Variants in LARGE1 observed in about 807,000 individuals in gnomAD.
LARGE1 encodes xylosyl- and glucuronyltransferase LARGE1.
Under a neutral mutation model 87.6 loss-of-function variants are expected in LARGE1, and 43 were observed. The observed-to-expected ratio is 0.49, with a 90% confidence interval of 0.38 to 0.63. LARGE1 has a LOEUF of 0.63. LARGE1 is among the 30% of genes least tolerant of loss of function. The pLI is 0.00. For missense variants in LARGE1, 802 were observed against 1,000.2 expected (o/e 0.80, Z 2.67); for synonymous variants, 434 against 394.6 (o/e 1.10, Z -1.18).
the LARGE1 span, among the ~76,000 whole-genome samples, chr22:33,089,663 AT>A: frequency 6.6e-6 from 1 of 151,590 alleles, no homozygotes; most frequent in Non-Finnish European, 1.5e-5. Context: ...CATTCAGCTA[AT>A]TTTTAAATTT....
At chr22:33,795,195 G>C (rs1477598583) in intron 1 of LARGE1, among the ~76,000 whole-genome samples, 1 of 152,168 alleles carries the variant, frequency 6.6e-6, no homozygotes, top group Non-Finnish European at 1.5e-5. Context: ...GTAGGAGTAG[G>C]ATAAATACAG....
intron 9 of LARGE1, among the ~76,000 whole-genome samples, chr22:33,368,533 C>CAAAAA (rs34999879): frequency 8.6e-6 from 1 of 115,676 alleles, no homozygotes; most frequent in Non-Finnish European, 1.8e-5. Context: ...GACTCTTTCT[C>CAAAAA]AAAAAAAAAA....
rs542259048 is a variant in LARGE1 at position 33,347,927 on chromosome 22, A to G, written c.1132-10126T>C. ...AAAGACATCTGGTTTAGACTTCATG[A>G]AAGAGTCACCTTACCAATGAAGAAG... On this transcript the variant is annotated intron_variant, in intron 9 of 14. Coordinates refer to ENST00000397394, the MANE Select transcript of LARGE1 (RefSeq NM_133642.5). Among the ~76,000 whole-genome samples the G allele has an allele frequency of 8.5e-5, 13 of 152,350 alleles. No individual in the cohort carries two copies. The East Asian group carries it at 2.5e-3, about 29-fold the overall frequency.
chr22:33,728,574 A>C (rs111775998), intron 2 of LARGE1, among the ~76,000 whole-genome samples: 4,487 of 148,936 alleles, frequency 0.03, 283 homozygotes, highest in African/African-American at 0.11. Flanking sequence ...AAAAAAAAAA[A>C]AAAAACCAAC....
chr22:33,455,694 C>T (rs1392432928), intron 6 of LARGE1, among the ~76,000 whole-genome samples: 1 of 136,946 alleles, frequency 7.3e-6, no homozygotes, highest in African/African-American at 2.8e-5. Context: ...GCGGAGGTTG[C>T]AGTGAGCTGA....
At chr22:33,662,124 A>G (rs1168666302) in intron 2 of LARGE1, among the ~76,000 whole-genome samples, 2 of 150,502 alleles carry the variant, frequency 1.3e-5, no homozygotes, top group Non-Finnish European at 2.9e-5. Flanking sequence ...TAGTGTTTTC[A>G]AAGTGGCCAA....
At chr22:33,794,231 C>T (rs1006287235) in intron 1 of LARGE1, among the ~76,000 whole-genome samples, 3 of 152,106 alleles carry the variant, frequency 2.0e-5, no homozygotes, top group African/African-American at 4.8e-5. Flanking sequence ...ACTGTGCAGC[C>T]GTCTTTTCCC....
At chr22:33,798,303 T>C (rs1376731048) in intron 1 of LARGE1, among the ~76,000 whole-genome samples, 1 of 151,832 alleles carries the variant, frequency 6.6e-6, no homozygotes, top group Admixed American at 6.6e-5. Flanking sequence ...AATCAATCAA[T>C]CAATCAATCA....
At chr22:33,479,106 C>T (rs140707528) in intron 6 of LARGE1, among the ~76,000 whole-genome samples, 1 of 152,162 alleles carries the variant, frequency 6.6e-6, no homozygotes, top group African/African-American at 2.4e-5. Context: ...CAAGCAGGTG[C>T]CAACTTCCTC....
intron 11 of LARGE1, chr22:33,305,534 A>G: frequency 1.0e-6 from 1 of 970,270 alleles, no homozygotes; most frequent in Non-Finnish European, 1.2e-6. Flanking sequence ...TTCCTTACCC[A>G]GCAAGAGGTA....
At chr22:33,704,303 T>G (rs12160058) in intron 2 of LARGE1, among the ~76,000 whole-genome samples, 49 of 152,330 alleles carry the variant, frequency 3.2e-4, no homozygotes, top group African/African-American at 1.2e-3. Flanking sequence ...AGCACGGGTG[T>G]GCAGACAGGG....
chr22:33,446,996 T>G (rs568832376), intron 6 of LARGE1, among the ~76,000 whole-genome samples: 4 of 152,166 alleles, frequency 2.6e-5, no homozygotes, highest in Admixed American at 2.0e-4. Context: ...CGGATTCAAG[T>G]GATTCTCCTG....
intron 11 of LARGE1, among the ~76,000 whole-genome samples, chr22:33,257,070 T>A (rs1055567456): frequency 6.6e-6 from 1 of 152,106 alleles, no homozygotes; most frequent in African/African-American, 2.4e-5. Flanking sequence ...CCGGGCGTGG[T>A]GGTGCATGCT....
chr22:33,492,321 C>G (rs916403076), intron 6 of LARGE1, among the ~76,000 whole-genome samples: 2 of 152,184 alleles, frequency 1.3e-5, no homozygotes, highest in East Asian at 3.8e-4. Flanking sequence ...GATTCTCTGA[C>G]GTCTGCTCTG....
chr22:33,374,646 C>T (rs1459075453), intron 9 of LARGE1, among the ~76,000 whole-genome samples: 1 of 152,098 alleles, frequency 6.6e-6, no homozygotes, highest in Non-Finnish European at 1.5e-5. Context: ...GAATGTATCT[C>T]TCATCTTGTA....
the LARGE1 span, among the ~76,000 whole-genome samples, chr22:33,142,845 T>C: frequency 1.3e-5 from 2 of 152,184 alleles, no homozygotes; most frequent in Admixed American, 6.5e-5. Flanking sequence ...GCACAGAGCC[T>C]GGCTGGCACA....
chr22:33,240,116 A>G (rs1360490265), intron 11 of LARGE1, among the ~76,000 whole-genome samples: 13 of 152,184 alleles, frequency 8.5e-5, no homozygotes, highest in Admixed American at 8.5e-4. Context: ...ATTACCACCA[A>G]TAATGTATGA....
At chr22:33,709,365 A>G (rs977458578) in intron 2 of LARGE1, among the ~76,000 whole-genome samples, 1 of 152,122 alleles carries the variant, frequency 6.6e-6, no homozygotes, top group Non-Finnish European at 1.5e-5. Flanking sequence ...CAAATAAGAG[A>G]GCCAAAGCTG....
chr22:33,501,673 G>T (rs1055553681), intron 6 of LARGE1, among the ~76,000 whole-genome samples: 1 of 152,168 alleles, frequency 6.6e-6, no homozygotes, highest in African/African-American at 2.4e-5. Flanking sequence ...TGAACGCCAG[G>T]CCTGGCATCC....
Sources: gnomAD v4.1 joint callset for allele counts (sites outside exome capture counted in the v4.1 genomes callset) on GRCh38, gnomAD v4.1.1 for gene constraint, MANE v1.5 for transcripts, NCBI Gene and HGNC (gene_info 2026-07-23, HGNC 2026-07-21) for gene names.